Variants in SASH1 observed in about 807,000 individuals in gnomAD.
The protein encoded by SASH1 is SAM and SH3 domain containing 1.
Under a neutral mutation model 125.2 loss-of-function variants are expected in SASH1, and 44 were observed. That is an observed-to-expected ratio of 0.35 (90% CI 0.28 to 0.45). SASH1 has a LOEUF of 0.45. Among genes scored for constraint, SASH1 ranks in the 20% least tolerant of loss-of-function variants. The probability of loss-of-function intolerance (pLI) is 1.00; values close to 1 mark genes in which losing one functional copy is unlikely to be tolerated. For missense variants in SASH1, 1,426 were observed against 1,614.5 expected, an observed-to-expected ratio of 0.88 and a Z score of 2.00; for synonymous variants, 639 against 649.1, an observed-to-expected ratio of 0.98 and a Z score of 0.24.
intron 9 of SASH1, among the ~76,000 whole-genome samples, chr6:148,516,503 TCCCCCCTC>T (rs1392080210): frequency 4.7e-5 from 2 of 42,226 alleles, no homozygotes; most frequent in African/African-American, 8.2e-5. Flanking sequence ...CCCTCCCCCC[TCCCCCCTC>T]CCCCGCCCTT....
intron 10 of SASH1, among the ~76,000 whole-genome samples, chr6:148,521,284 C>T (rs908825709): frequency 9.2e-5 from 14 of 152,344 alleles, no homozygotes; most frequent in African/African-American, 3.4e-4. Context: ...GGACAGTTGG[C>T]TGTGGGCCCT....
chr6:148,477,687 G>A (rs1184734923), intron 7 of SASH1, among the ~76,000 whole-genome samples: 3 of 142,094 alleles, frequency 2.1e-5, no homozygotes, highest in Non-Finnish European at 4.5e-5. Context: ...CACCACACCT[G>A]GCTAATTTTT....
At chr6:148,541,880 C>CTA (rs1782241940) in intron 17 of SASH1, among the ~76,000 whole-genome samples, 1 of 152,172 alleles carries the variant, frequency 6.6e-6, no homozygotes, top group African/African-American at 2.4e-5. Flanking sequence ...TCTCCCCAAA[C>CTA]TATATATAAT....
At chr6:148,492,592 C>T (rs578234217) in intron 8 of SASH1, among the ~76,000 whole-genome samples, 74 of 152,008 alleles carry the variant, frequency 4.9e-4, no homozygotes, top group Admixed American at 2.6e-3. Context: ...CTGAGGCAGG[C>T]GGATTACCTG....
intron 2 of SASH1, among the ~76,000 whole-genome samples, chr6:148,414,272 T>C (rs1386142027): frequency 6.6e-6 from 1 of 152,136 alleles, no homozygotes; most frequent in East Asian, 1.9e-4. Context: ...TGTATATTCA[T>C]GTGGACACTT....
intron 16 of SASH1, among the ~76,000 whole-genome samples, chr6:148,538,797 T>G (rs143189514): frequency 1.3e-5 from 2 of 152,302 alleles, no homozygotes; most frequent in African/African-American, 4.8e-5. Flanking sequence ...TGTATGTGGT[T>G]GGAGTGGGGA....
At chr6:148,395,972 G>A (rs1298905343) in intron 2 of SASH1, among the ~76,000 whole-genome samples, 5 of 152,072 alleles carry the variant, frequency 3.3e-5, no homozygotes, top group African/African-American at 4.8e-5. Context: ...GATGTGGCAC[G>A]GAGCTGACAG....
At chr6:148,375,345 A>G (rs993039832) in intron 1 of SASH1, among the ~76,000 whole-genome samples, 1 of 151,984 alleles carries the variant, frequency 6.6e-6, no homozygotes, top group Non-Finnish European at 1.5e-5. Flanking sequence ...TAGACAGTCT[A>G]GTGAAGAGGT....
At chr6:148,309,169 GA>G (rs1010367129) in intron 1 of SASH1, among the ~76,000 whole-genome samples, 19 of 151,916 alleles carry the variant, frequency 1.3e-4, no homozygotes, top group African/African-American at 3.6e-4. Flanking sequence ...TGCCTGGGGG[GA>G]AAAAAGAGTA....
chr6:148,393,654 C>T, intron 2 of SASH1: 1 of 966,060 alleles, frequency 1.0e-6, no homozygotes, highest in Middle Eastern at 5.3e-4. Flanking sequence ...ACCTCCTTCT[C>T]ATTCAAACAG....
At chr6:148,503,979 C>T (rs1779665873) in intron 8 of SASH1, among the ~76,000 whole-genome samples, 1 of 152,168 alleles carries the variant, frequency 6.6e-6, no homozygotes, top group South Asian at 2.1e-4. Flanking sequence ...ACAATAAATG[C>T]TACTAACATA....
At chr6:148,253,622 C>T in the SASH1 span, among the ~76,000 whole-genome samples, 4 of 152,050 alleles carry the variant, frequency 2.6e-5, no homozygotes, top group East Asian at 5.8e-4. Context: ...CCTGTAATCC[C>T]AGCACTTTGG....
At chr6:148,202,606 C>A in the SASH1 span, among the ~76,000 whole-genome samples, 2 of 152,134 alleles carry the variant, frequency 1.3e-5, no homozygotes, top group Non-Finnish European at 2.9e-5. Flanking sequence ...ATGTCTGGCA[C>A]CAAGAGTGGA....
At chr6:148,322,917 T>TCTTTCTTTC (rs1452245077) in intron 1 of SASH1, among the ~76,000 whole-genome samples, 3 of 126,032 alleles carry the variant, frequency 2.4e-5, no homozygotes, top group Non-Finnish European at 1.8e-5. Context: ...TTTCTTTCTT[T>TCTTTCTTTC]TTTCTTTCTC....
At chr6:148,523,868 A>C (rs1017121197) in intron 10 of SASH1, among the ~76,000 whole-genome samples, 1 of 152,204 alleles carries the variant, frequency 6.6e-6, no homozygotes, top group Non-Finnish European at 1.5e-5. Context: ...GGAAGAAACC[A>C]GCATTCATAG....
At chr6:148,520,165 G>A in intron 10 of SASH1, 1 of 427,194 alleles carries the variant, frequency 2.3e-6, no homozygotes, top group Non-Finnish European at 4.3e-6. Flanking sequence ...ACCTCGGTCA[G>A]CGAGTTCAAT....
In SASH1 at chr6:148,282,088, T is replaced by C. The variant is rs564952413; in HGVS notation, n.74+9711T>C. On this transcript the variant is annotated intron_variant and non_coding_transcript_variant, in intron 1 of 3. Coordinates refer to the SASH1 transcript ENST00000367469. ...GAGGTAGACCACGAAGACCTCCTTTTGAAGGACAATCTTGAGGGAAGTATC... is the reference window on the plus strand; with the variant it reads ...GAGGTAGACCACGAAGACCTCCTTTCGAAGGACAATCTTGAGGGAAGTATC... Among the ~76,000 whole-genome samples the C allele has an allele frequency of 2.0e-5, 3 of 152,362 alleles. 1 individual carries two copies. In the East Asian group the frequency reaches 5.8e-4, roughly 29 times the overall value.
chr6:148,440,175 C>A lies in SASH1; in HGVS notation c.286-9C>A. The A allele has an allele frequency of 6.2e-7, 1 of 1,613,944 alleles. No individual in the cohort carries two copies. Among genetic ancestry groups the A allele is most frequent in the Non-Finnish European group, 8.5e-7 (1 of 1,179,848 alleles). Reference sequence around the variant, plus strand: ...AAGTCCCGTTAAACTGGCATCTGTTCTGTTTTAGGAGAAACCCGATGCTAG... The same window carrying A: ...AAGTCCCGTTAAACTGGCATCTGTTATGTTTTAGGAGAAACCCGATGCTAG... On this transcript the variant is annotated splice_polypyrimidine_tract_variant and intron_variant, in intron 2 of 19. Transcript: ENST00000367467.
intron 4 of SASH1, among the ~76,000 whole-genome samples, chr6:148,464,708 C>A (rs1384189665): frequency 6.6e-6 from 1 of 152,100 alleles, no homozygotes. Flanking sequence ...TGCTTCTATG[C>A]CAGCTTCTGT....
Sources: gnomAD v4.1 joint callset for allele counts (sites outside exome capture counted in the v4.1 genomes callset) on GRCh38, gnomAD v4.1.1 for gene constraint, MANE v1.5 for transcripts, NCBI Gene and HGNC (gene_info 2026-07-23, HGNC 2026-07-21) for gene names.